EIF3H: variants seen among roughly 807,000 people sequenced by gnomAD.
EIF3H encodes the protein eukaryotic translation initiation factor 3 subunit H, also known as eIF-3-gamma.
EIF3H carries 26 observed loss-of-function variants against 44.2 expected under a neutral mutation model. The observed-to-expected ratio is 0.59, with a 90% CI of 0.43 to 0.82. The LOEUF is 0.82. Ranked by LOEUF, EIF3H falls within the 40% of genes least tolerant of loss-of-function variation. EIF3H has a pLI of 0.00. For synonymous variants in EIF3H, 166 were observed against 151.9 expected (o/e 1.09, Z -0.68); for missense variants, 359 against 432.8 (o/e 0.83, Z 1.51).
At chr8:116,677,483 T>C (rs1044682863) in intron 2 of EIF3H, among the ~76,000 whole-genome samples, 1 of 152,254 alleles carries the variant, frequency 6.6e-6, no homozygotes, top group Non-Finnish European at 1.5e-5. Flanking sequence ...TAGCATTTAC[T>C]TGGGAGTAAG....
chr8:116,723,689 C>T (rs1814790137), intron 2 of EIF3H, among the ~76,000 whole-genome samples: 1 of 152,120 alleles, frequency 6.6e-6, no homozygotes, highest in South Asian at 2.1e-4. Context: ...AGTTAAAAGT[C>T]ATATCAAAAA....
intron 2 of EIF3H, among the ~76,000 whole-genome samples, chr8:116,671,969 G>A (rs947215208): frequency 6.6e-6 from 1 of 152,082 alleles, no homozygotes; most frequent in African/African-American, 2.4e-5. Context: ...AAAAACCTCC[G>A]CAAAACCTAA....
At chr8:116,657,190 T>A (rs1332652857) in intron 4 of EIF3H, 25 bp downstream of exon 4, 1 of 1,574,954 alleles carries the variant, frequency 6.3e-7, no homozygotes, top group Non-Finnish European at 8.7e-7. Context: ...ACCCAACCCT[T>A]TACCAGATGC....
chr8:116,743,702 G>A (rs62510189), intron 1 of EIF3H, among the ~76,000 whole-genome samples: 3,811 of 149,590 alleles, frequency 0.025, 132 homozygotes, highest in Admixed American at 0.098. Flanking sequence ...AGGCTGCAGC[G>A]AGCCGAGATC....
At chr8:116,695,579 T>C (rs1258480014) in intron 2 of EIF3H, among the ~76,000 whole-genome samples, 1 of 152,092 alleles carries the variant, frequency 6.6e-6, no homozygotes, top group Non-Finnish European at 1.5e-5. Context: ...AGATAGTGGT[T>C]GTCATGGGGA....
chr8:116,724,657 T>C (rs1405028482), intron 2 of EIF3H, among the ~76,000 whole-genome samples: 1 of 152,120 alleles, frequency 6.6e-6, no homozygotes, highest in Non-Finnish European at 1.5e-5. Context: ...TTTTCAAAGA[T>C]ATACAAATCA....
At chr8:116,649,071 A>C in intron 5 of EIF3H, 145 bp from the exon 6 acceptor site, 1 of 623,396 alleles carries the variant, frequency 1.6e-6, no homozygotes, top group East Asian at 3.3e-5. Flanking sequence ...GAGCAGAGGA[A>C]AAAATCTGAG....
chr8:116,726,038 C>T lies in EIF3H; in HGVS notation c.267G>A (p.Glu89=). The T allele has an allele frequency of 6.2e-7, 1 of 1,613,918 alleles. No individual in the cohort carries two copies. Among genetic ancestry groups the T allele is most frequent in the Non-Finnish European group, 8.5e-7 (1 of 1,179,888 alleles). ...TACCTTCATCAAAGTCAGCATCATC[C>T]TCTGTGTGCTGAGGGAAAGGAAAGC... ...TNCFPFPQHT[E]DDADFDEVQY... is the part of the protein sequence containing the mutation. Residue 89 remains glutamate, a synonymous_variant, in exon 2 of 8, where the codon GAG becomes GAA. Transcript: ENST00000521861.
intron 2 of EIF3H, among the ~76,000 whole-genome samples, chr8:116,664,305 T>C (rs1017050765): frequency 1.3e-5 from 2 of 152,218 alleles, no homozygotes; most frequent in African/African-American, 4.8e-5. Flanking sequence ...TTTGTTGGGC[T>C]TTCTCTTGTT....
In EIF3H at chr8:116,711,900, C is replaced by T. The variant is rs559241315; in HGVS notation, c.289+14116G>A. 2.6e-5 allele frequency among the ~76,000 whole-genome samples: 4 copies of T among 152,318 alleles called. No homozygotes were observed. The East Asian group carries it at 7.7e-4, about 29-fold the overall frequency. On this transcript the variant is annotated intron_variant, in intron 2 of 7. Transcript: ENST00000521861. ...ACCACTAAGTTCTATAAATAACAAA[C>T]ATTTCAAAAAATATGTGTAGCAGAA...
At chr8:116,691,385 G>T (rs1369331616) in intron 2 of EIF3H, among the ~76,000 whole-genome samples, 2 of 152,054 alleles carry the variant, frequency 1.3e-5, no homozygotes, top group Non-Finnish European at 2.9e-5. Context: ...GTATTACTCT[G>T]TCTAAAAAGC....
chr8:116,656,006 C>A lies in EIF3H; in HGVS notation c.558-1G>T. 1 of 1,612,714 alleles carries A rather than the reference C, an allele frequency of 6.2e-7. No homozygotes were observed. Among genetic ancestry groups the A allele is most frequent in the East Asian group, 2.2e-5 (1 of 44,814 alleles). ...AAAGGTGATATTTGCTTTTTTCAAT[C>A]TGTGAAGCATGTTAAAAATACTTTA... On this transcript the variant is annotated splice_acceptor_variant, in intron 4 of 7. Transcript: ENST00000521861. LOFTEE classifies it high-confidence loss of function.
intron 2 of EIF3H, among the ~76,000 whole-genome samples, chr8:116,693,979 T>C (rs12675038): frequency 0.12 from 17,674 of 150,542 alleles, 1,329 homozygotes; most frequent in East Asian, 0.42. Context: ...AGATGTATCA[T>C]ATTTCAATCA....
intron 2 of EIF3H, among the ~76,000 whole-genome samples, chr8:116,719,890 C>T (rs189378317): frequency 6.1e-4 from 93 of 152,278 alleles, no homozygotes; most frequent in Non-Finnish European, 1.2e-3. Context: ...ATGACCTACA[C>T]TCAACATCCT....
At chr8:116,711,666 CTT>C (rs1814573391) in intron 2 of EIF3H, among the ~76,000 whole-genome samples, 1 of 152,190 alleles carries the variant, frequency 6.6e-6, no homozygotes, top group Non-Finnish European at 1.5e-5. Context: ...TTCAGAATGA[CTT>C]TGAATTACAA....
intron 1 of EIF3H, chr8:116,737,181 T>C (rs1449546677): frequency 4.8e-6 from 2 of 416,892 alleles, no homozygotes; most frequent in Non-Finnish European, 9.2e-6. Context: ...GTGCAAGCCC[T>C]AAAAACAAAC....
At chr8:116,708,794 C>A (rs949935884) in intron 2 of EIF3H, among the ~76,000 whole-genome samples, 1 of 151,942 alleles carries the variant, frequency 6.6e-6, no homozygotes, top group African/African-American at 2.4e-5. Context: ...ACCAAACATC[C>A]TTATGGTACT....
chr8:116,683,861 G>A (rs1313914351), intron 2 of EIF3H, among the ~76,000 whole-genome samples: 3 of 152,080 alleles, frequency 2.0e-5, no homozygotes, highest in Non-Finnish European at 4.4e-5. Context: ...TCTAATTCTA[G>A]CTATCCTTAT....
chr8:116,740,691 GA>G (rs1329180455), intron 1 of EIF3H, among the ~76,000 whole-genome samples: 1 of 151,874 alleles, frequency 6.6e-6, no homozygotes, highest in African/African-American at 2.4e-5. Flanking sequence ...TTGAGTAAAA[GA>G]AAAAAATTTT....
Sources: gnomAD v4.1 joint callset for allele counts (sites outside exome capture counted in the v4.1 genomes callset) on GRCh38, gnomAD v4.1.1 for gene constraint, MANE v1.5 for transcripts, NCBI Gene and HGNC (gene_info 2026-07-23, HGNC 2026-07-21) for gene names.